Variants in NELL1 observed in about 807,000 individuals in gnomAD.
NELL1 encodes protein kinase C-binding protein NELL1.
NELL1 carries 76 observed loss-of-function variants against 107.4 expected under a neutral mutation model. The ratio of observed to expected loss-of-function variants is 0.71; its 90% CI spans 0.59 to 0.86. The LOEUF (loss-of-function observed/expected upper bound fraction) is 0.86. NELL1 is among the 40% of genes least tolerant of loss of function. The pLI is 0.00. For missense variants in NELL1, 1,024 were observed against 1,005.5 expected (o/e 1.02, Z -0.25); for synonymous variants, 353 against 341.2 (o/e 1.03, Z -0.38).
chr11:21,555,212 A>G (rs767623363), intron 16 of NELL1, among the ~76,000 whole-genome samples: 4 of 151,870 alleles, frequency 2.6e-5, no homozygotes, highest in Admixed American at 1.3e-4. Context: ...GTGACTAGAT[A>G]ATGAAGAGAT....
chr11:21,510,105 T>C (rs1014576924), intron 15 of NELL1, among the ~76,000 whole-genome samples: 20 of 152,210 alleles, frequency 1.3e-4, no homozygotes, highest in African/African-American at 4.8e-4. Context: ...GCAAGACCTC[T>C]TCAGGACTGT....
At chr11:20,973,015 T>C (rs1851531009) in intron 12 of NELL1, among the ~76,000 whole-genome samples, 1 of 152,136 alleles carries the variant, frequency 6.6e-6, no homozygotes, top group South Asian at 2.1e-4. Flanking sequence ...CAAACTCTAA[T>C]GGCTGACTTT....
At chr11:20,708,675 G>T (rs1030834751) in intron 2 of NELL1, among the ~76,000 whole-genome samples, 1 of 152,054 alleles carries the variant, frequency 6.6e-6, no homozygotes, top group Non-Finnish European at 1.5e-5. Flanking sequence ...TCTTTTGGTT[G>T]TCTGTTTACT....
intron 15 of NELL1, among the ~76,000 whole-genome samples, chr11:21,420,188 C>T (rs1163162577): frequency 6.6e-6 from 1 of 152,010 alleles, no homozygotes; most frequent in African/African-American, 2.4e-5. Flanking sequence ...AACTTTGTCG[C>T]ATAACAAGTC....
At chr11:20,759,526 G>A (rs189621972) in intron 2 of NELL1, among the ~76,000 whole-genome samples, 4 of 152,230 alleles carry the variant, frequency 2.6e-5, no homozygotes, top group East Asian at 3.9e-4. Flanking sequence ...ATAACCTCTC[G>A]TGTTTTGTGC....
chr11:21,572,570 A>G (rs985741516), intron 18 of NELL1, among the ~76,000 whole-genome samples: 4 of 149,058 alleles, frequency 2.7e-5, no homozygotes, highest in Admixed American at 1.3e-4. Flanking sequence ...GGGCAGCTCA[A>G]TGAAGCCACA....
At chr11:20,992,649 A>T (rs7940284) in intron 12 of NELL1, among the ~76,000 whole-genome samples, 4,923 of 151,642 alleles carry the variant, frequency 0.032, 255 homozygotes, top group African/African-American at 0.11. Context: ...TCTTCTAACC[A>T]ATGTCCAGGG....
At chr11:20,894,948 A>G (rs1290115952) in intron 5 of NELL1, among the ~76,000 whole-genome samples, 1 of 152,100 alleles carries the variant, frequency 6.6e-6, no homozygotes, top group Admixed American at 6.6e-5. Flanking sequence ...TGTTAAGTAT[A>G]GTCAACCTAC....
intron 14 of NELL1, among the ~76,000 whole-genome samples, chr11:21,340,937 ATTTC>A (rs1488174862): frequency 6.6e-6 from 1 of 152,054 alleles, no homozygotes; most frequent in African/African-American, 2.4e-5. Flanking sequence ...CAACGTACCT[ATTTC>A]TCTACCATAC....
intron 2 of NELL1, among the ~76,000 whole-genome samples, chr11:20,680,673 G>T (rs542919958): frequency 1.3e-5 from 2 of 152,252 alleles, no homozygotes; most frequent in East Asian, 3.9e-4. Context: ...TCAAGTCTTA[G>T]AAATAATCCT....
intron 12 of NELL1, among the ~76,000 whole-genome samples, chr11:20,978,005 C>T (rs769925905): frequency 6.6e-6 from 1 of 152,188 alleles, no homozygotes; most frequent in Non-Finnish European, 1.5e-5. Flanking sequence ...AGCTCTGATT[C>T]TGCAATGCTA....
intron 15 of NELL1, among the ~76,000 whole-genome samples, chr11:21,403,586 A>G (rs1335930872): frequency 7.2e-6 from 1 of 139,714 alleles, no homozygotes; most frequent in Non-Finnish European, 1.6e-5. Context: ...TAGTGAATAT[A>G]AAAGACCTCT....
At chr11:21,208,578 C>T (rs916774307) in intron 13 of NELL1, among the ~76,000 whole-genome samples, 1 of 152,048 alleles carries the variant, frequency 6.6e-6, no homozygotes, top group Admixed American at 6.6e-5. Context: ...TCCCCACTTT[C>T]CTCTCTGCAC....
At position 20,919,261 on chromosome 11, in the gene NELL1, C is replaced by T; in HGVS notation, c.686C>T (p.Thr229Ile). ...TATTTTCTTTATTGAGCTTGCCCAA[C>T]CTGCAGTGATTTCTTAAGCCTGGTG... is the stretch of plus-strand genomic sequence containing the variant. ...QCPNLNHTCP[T>I]CSDFLSLVQG... Residue 229 changes from threonine (T) to isoleucine (I), a missense_variant, in exon 7 of 20, where the codon ACC becomes ATC. By Grantham distance (89) the Thr-to-Ile change is moderately conservative. Coordinates refer to ENST00000357134, the MANE Select transcript of NELL1 (RefSeq NM_006157.5). 1 of 1,596,308 alleles carries T rather than the reference C, an allele frequency of 6.3e-7. No individual in the cohort carries two copies. Among genetic ancestry groups the T allele is most frequent in the South Asian group, 1.1e-5 (1 of 88,416 alleles).
chr11:21,496,118 C>T (rs1366031884), intron 15 of NELL1, among the ~76,000 whole-genome samples: 12 of 151,856 alleles, frequency 7.9e-5, no homozygotes, highest in Non-Finnish European at 1.5e-5. Context: ...CATTTTTGAG[C>T]TTTTTTATGA....
intron 14 of NELL1, among the ~76,000 whole-genome samples, chr11:21,271,250 G>T (rs1358056143): frequency 1.3e-5 from 2 of 152,012 alleles, no homozygotes; most frequent in Non-Finnish European, 2.9e-5. Flanking sequence ...CTCCAGTCAG[G>T]CTAAGACAAA....
rs575631109 is a variant in NELL1, at chr11:20,693,188, G to A, written c.184+15128G>A. ...TTTGAGCCTATGTGTGTCTCTGCAC[G>A]TGAGATGGGTTTCCTGAATACAGCA... is the stretch of plus-strand genomic sequence containing the variant. On this transcript the variant is annotated intron_variant, in intron 2 of 19. Coordinates refer to ENST00000357134, the MANE Select transcript of NELL1 (RefSeq NM_006157.5). Among the ~76,000 whole-genome samples the A allele has an allele frequency of 5.5e-4, 83 of 151,810 alleles. 1 individual carries two copies. Among genetic ancestry groups the A allele is most frequent in the South Asian group, 1.7e-3 (8 of 4,794 alleles).
intron 15 of NELL1, among the ~76,000 whole-genome samples, chr11:21,454,889 C>T (rs1320671570): frequency 6.6e-6 from 1 of 152,220 alleles, no homozygotes; most frequent in Non-Finnish European, 1.5e-5. Flanking sequence ...TCTTCTAATA[C>T]CATCACAATG....
intron 2 of NELL1, among the ~76,000 whole-genome samples, chr11:20,707,796 G>A (rs1239594499): frequency 6.6e-6 from 1 of 152,228 alleles, no homozygotes; most frequent in East Asian, 1.9e-4. Context: ...AGGGATCTGG[G>A]ACCCACTTGA....
Sources: allele counts gnomAD v4.1 joint callset (sites outside exome capture counted in the v4.1 genomes callset), GRCh38; gene constraint gnomAD v4.1.1; transcripts MANE v1.5; gene names NCBI Gene and HGNC (gene_info 2026-07-23, HGNC 2026-07-21).